The following FCRL2 variants were observed in gnomAD, a reference collection of about 807,000 sequenced individuals.
The protein encoded by FCRL2 is Fc receptor like 2.
FCRL2 carries 48 observed loss-of-function variants against 59.8 expected under a neutral mutation model. The ratio of observed to expected loss-of-function variants is 0.80; its 90% confidence interval spans 0.64 to 1.02. FCRL2 has a LOEUF of 1.02. Ranked by LOEUF, FCRL2 falls within the 50% of genes least tolerant of loss-of-function variation. The pLI, the probability that FCRL2 is intolerant of heterozygous loss-of-function variation, is 0.00. For synonymous variants in FCRL2, 251 were observed against 229.5 expected (o/e 1.09, Z -0.85); for missense variants, 658 against 597.3 (o/e 1.10, Z -1.06).
rs547325179 is a variant in FCRL2 at position 157,768,355 on chromosome 1, T to C, written c.883+59A>G. On this transcript the variant is annotated intron_variant, in intron 5 of 11. Transcript: ENST00000361516. ...CCTCCTGAAATTTCCTCAGGACACA[T>C]GTGTATCATGACCTTGGTCTGGGAA... 2.4e-5 allele frequency: 37 copies of C among 1,553,574 alleles called. No individual in the cohort carries two copies. In the South Asian group the frequency reaches 4.0e-4, roughly 17 times the overall value.
At chr1:157,763,308 A>G (rs1649243124) in intron 7 of FCRL2, among the ~76,000 whole-genome samples, 1 of 151,474 alleles carries the variant, frequency 6.6e-6, no homozygotes, top group Non-Finnish European at 1.5e-5. Flanking sequence ...GGGTCATTTG[A>G]GGTCACGAGT....
At chr1:157,767,009 A>C in intron 6 of FCRL2, 38 bp from the exon 7 acceptor site, 2 of 1,567,468 alleles carry the variant, frequency 1.3e-6, no homozygotes, top group Non-Finnish European at 1.7e-6. Flanking sequence ...CCAGAGGTTT[A>C]AGACTTGGGC....
rs763860650 is a variant in FCRL2 at position 157,777,033 on chromosome 1, T to C, written c.31+10A>G. On this transcript the variant is annotated intron_variant, in intron 1 of 11. Coordinates refer to ENST00000361516, the MANE Select transcript of FCRL2 (RefSeq NM_030764.4). The stretch of plus-strand genomic sequence containing the variant: ...GCCACCTCACTTCTCAGTCAAATTA[T>C]TGAACTCACCAAAGATGACCAGCAA... 3 of 1,613,150 alleles carry C rather than the reference T, an allele frequency of 1.9e-6. No homozygotes were observed. Among genetic ancestry groups the C allele is most frequent in the East Asian group, 2.2e-5 (1 of 44,886 alleles).
In FCRL2 at chr1:157,746,771, A is replaced by G; in HGVS notation, c.1492T>C (p.Ser498Pro). The part of the protein sequence containing the change: ...NIRTLLENKD[S>P]QVIYSSVKKS ...TTCACAGAAGAGTAGATGACTTGGG[A>G]GTCCTGGGAGAGACACACAGGAATA... Residue 498 changes from serine (S) to proline (P), a missense_variant, in exon 12 of 12, where the codon TCC becomes CCC. Coordinates refer to ENST00000361516, the MANE Select transcript of FCRL2 (RefSeq NM_030764.4). The G allele has an allele frequency of 1.2e-6, 2 of 1,614,002 alleles. No individual in the cohort carries two copies. The highest frequency in any genetic ancestry group is 1.7e-6 in the Non-Finnish European group (2 of 1,179,864).
At chr1:157,767,062 A>T in intron 6 of FCRL2, 91 bp from the exon 7 acceptor site, 1 of 1,360,652 alleles carries the variant, frequency 7.3e-7, no homozygotes, top group Non-Finnish European at 1.0e-6. Context: ...TACAAATTCA[A>T]GTAAGAGATC....
Position 157,768,547 on chromosome 1 carries a change from C to T in FCRL2, c.750G>A (p.Lys250=). Residue 250 remains lysine (K), a synonymous_variant, in exon 5 of 12, where the codon AAG becomes AAA. Transcript: ENST00000361516. ...CTGCTGACAGGGAACGCTGGGTTTT[C>T]TTTCCCATACTGGTTCCTGTGGCCT... ...YREATGTSMG[K]KTQRSLSAEL... The T allele has an allele frequency of 6.2e-7, 1 of 1,614,226 alleles. No individual in the cohort carries two copies. Among genetic ancestry groups the T allele is most frequent in the Non-Finnish European group, 8.5e-7 (1 of 1,180,042 alleles).
intron 7 of FCRL2, among the ~76,000 whole-genome samples, chr1:157,763,955 G>A (rs766755676): frequency 2.2e-4 from 33 of 151,618 alleles, no homozygotes; most frequent in Admixed American, 7.2e-4. Context: ...GAGTGAACTC[G>A]GGAGGCTGAA....
In FCRL2 at chr1:157,746,630, T is replaced by C. The variant is rs913133864; in HGVS notation, c.*106A>G. On this transcript the variant is annotated 3_prime_UTR_variant, in exon 12 of 12. Transcript: ENST00000361516. Reference sequence around the variant, plus strand: ...AGGAGGTGCCTCCTGAGGCACGTTCTGGCTGTGGCAGGTGATAAGCCTCAA... The same window carrying C: ...AGGAGGTGCCTCCTGAGGCACGTTCCGGCTGTGGCAGGTGATAAGCCTCAA... The C allele has an allele frequency of 1.8e-6, 2 of 1,134,342 alleles. No homozygotes were observed. Among genetic ancestry groups the C allele is most frequent in the Non-Finnish European group, 2.6e-6 (2 of 762,386 alleles). The allele number at this position is 1,134,342 out of a possible 1,614,324, so 70.3% of individuals were successfully genotyped here. A position where few individuals can be genotyped will look rare whatever the true frequency, so the allele number is the denominator to read the frequency against.
At chr1:157,774,186 G>A (rs571251925) in intron 2 of FCRL2, among the ~76,000 whole-genome samples, 2 of 152,322 alleles carry the variant, frequency 1.3e-5, no homozygotes, top group Admixed American at 6.5e-5. Flanking sequence ...AAGAGGAAAT[G>A]GGGTGGAAGA....
chr1:157,760,678 GGAAAGAAA>G (rs199830452), intron 7 of FCRL2, among the ~76,000 whole-genome samples: 3 of 70,550 alleles, frequency 4.3e-5, no homozygotes, highest in Admixed American at 3.2e-4. Context: ...AAGGAAGGAA[GGAAAGAAA>G]GAAAGAAAGA....
intron 7 of FCRL2, among the ~76,000 whole-genome samples, chr1:157,760,813 G>GAAAGAAAGAAA (rs755247873): frequency 1.2e-4 from 17 of 146,126 alleles, no homozygotes; most frequent in South Asian, 2.1e-4. Flanking sequence ...AAGGAAGGAG[G>GAAAGAAAGAAA]GAAGGAAGGA....
rs1410845472 is a variant in FCRL2, at chr1:157,775,774, C to T, written c.52+1G>A. The T allele has an allele frequency of 1.9e-6, 3 of 1,614,082 alleles. No individual in the cohort carries two copies. Among genetic ancestry groups the T allele is most frequent in the Admixed American group, 1.7e-5 (1 of 60,036 alleles). ...GAACAACAAAGACAAGGAGGACTCA[C>T]CTGCCTGTTCAGTGACTGCATCTGT... On this transcript the variant is annotated splice_donor_variant, in intron 2 of 11. Coordinates refer to ENST00000361516, the MANE Select transcript of FCRL2 (RefSeq NM_030764.4). LOFTEE classifies it high-confidence loss of function.
intron 2 of FCRL2, among the ~76,000 whole-genome samples, 166 bp from the exon 3 acceptor site, chr1:157,770,832 G>T (rs201229154): frequency 1.3e-5 from 2 of 152,190 alleles, no homozygotes; most frequent in Non-Finnish European, 2.9e-5. Flanking sequence ...TTCCTGAGGG[G>T]ATATCTTAGC....
intron 7 of FCRL2, among the ~76,000 whole-genome samples, chr1:157,756,679 G>GA (rs5778046): frequency 0.52 from 69,219 of 133,528 alleles, 17,761 homozygotes; most frequent in African/African-American, 0.66. Context: ...ACTTTGTCTG[G>GA]AAAAAAAAAA....
rs779700382 is a variant in FCRL2 at position 157,768,580 on chromosome 1, C to A, written c.717G>T (p.Trp239Cys). 1.9e-6 allele frequency: 3 copies of A among 1,614,204 alleles called. No individual in the cohort carries two copies. The highest frequency in any genetic ancestry group is 2.2e-5 in the South Asian group (2 of 91,084). The change falls in exon 5 of 12, where the codon TGG becomes TGT. Residue 239 changes from tryptophan (W) to cysteine (C), a missense_variant. By Grantham distance (215) the Trp-to-Cys change is radical. Transcript: ENST00000361516. Reference sequence around the variant, plus strand: ...TACTGGTTCCTGTGGCCTCTCTGTACCAGGAGAATGTGACATTTCCTGTAC... The same window carrying A: ...TACTGGTTCCTGTGGCCTCTCTGTAACAGGAGAATGTGACATTTCCTGTAC... ...AGGTGNVTFS[W>C]YREATGTSMG...
chr1:157,756,711 G>T (rs1177234984), intron 7 of FCRL2, among the ~76,000 whole-genome samples: 1 of 150,192 alleles, frequency 6.7e-6, no homozygotes, highest in African/African-American at 2.5e-5. Context: ...GATATCTGAA[G>T]GTCAAAGCCA....
intron 7 of FCRL2, among the ~76,000 whole-genome samples, chr1:157,764,731 CA>C (rs1170740677): frequency 6.6e-6 from 1 of 152,018 alleles, no homozygotes; most frequent in Non-Finnish European, 1.5e-5. Context: ...ACCATTGGGT[CA>C]ATGAAGAAAT....
chr1:157,758,329 G>C (rs1340565626), intron 7 of FCRL2, among the ~76,000 whole-genome samples: 1 of 152,112 alleles, frequency 6.6e-6, no homozygotes, highest in Non-Finnish European at 1.5e-5. Context: ...GACTTACTTA[G>C]ATCATCTGTT....
At chr1:157,756,184 C>T (rs1019008829) in intron 7 of FCRL2, among the ~76,000 whole-genome samples, 1 of 152,300 alleles carries the variant, frequency 6.6e-6, no homozygotes, top group Non-Finnish European at 1.5e-5. Flanking sequence ...TATTTCTATG[C>T]TGTGCAAAGC....
Sources: allele counts gnomAD v4.1 joint callset (sites outside exome capture counted in the v4.1 genomes callset), GRCh38; gene constraint gnomAD v4.1.1; transcripts MANE v1.5; gene names NCBI Gene and HGNC (gene_info 2026-07-23, HGNC 2026-07-21).